Variants in PCSK4 observed in about 807,000 individuals in gnomAD.
PCSK4 encodes the protein testicular tissue protein Li 135.
PCSK4 carries 64 observed loss-of-function variants against 80.3 expected under a neutral mutation model. The ratio of observed to expected loss-of-function variants is 0.80; its 90% confidence interval spans 0.65 to 0.98. The LOEUF is 0.98. PCSK4 is among the 50% of genes least tolerant of loss of function. The pLI is 0.00. For synonymous variants in PCSK4, 561 were observed against 487.6 expected (o/e 1.15, Z -1.98); for missense variants, 1,213 against 1,093.6 (o/e 1.11, Z -1.54).
rs151115553 is a variant in PCSK4, at chr19:1,487,982, C to T, written c.498G>A (p.Pro166=). 6,844 of 1,612,686 alleles carry T rather than the reference C, an allele frequency of 4.2e-3. 24 individuals are homozygous for T. The highest frequency in any genetic ancestry group is 5.5e-3 in the Non-Finnish European group (6,455 of 1,179,356). ...GTCTCACGTAGTTGGCCCAGAGGTC[C>T]GGGTGGTCCTTCTCGATGCCATCGT... The change falls in exon 4 of 15, where the codon CCG becomes CCA. Residue 166 remains proline (P), a synonymous_variant. Transcript: ENST00000300954.
chr19:1,486,980 G>A, exon 8 of PCSK4: 4 of 1,609,882 alleles, frequency 2.5e-6, no homozygotes, highest in African/African-American at 1.3e-5. Flanking sequence ...GATGCTGTTG[G>A]TGTAGCCGTC....
exon 11 of PCSK4, chr19:1,483,699 G>A (rs758651849): frequency 1.3e-6 from 2 of 1,596,474 alleles, no homozygotes; most frequent in South Asian, 1.1e-5. Context: ...GGCTGGGTGG[G>A]CAGCCAGGTG....
intron 6 of PCSK4, 134 bp from the exon 7 acceptor site, chr19:1,487,447 G>A (rs1010262362): frequency 1.1e-4 from 108 of 988,012 alleles, no homozygotes; most frequent in Non-Finnish European, 1.5e-4. Flanking sequence ...GGGACCATTC[G>A]TATTGGCTCA....
At chr19:1,487,832 G>C in exon 5 of PCSK4, 1 of 1,563,204 alleles carries the variant, frequency 6.4e-7, no homozygotes, top group Non-Finnish European at 8.7e-7. Context: ...CCGGGTCGTA[G>C]TCATTGAAGT....
At chr19:1,482,281 G>A in intron 14 of PCSK4, 72 bp downstream of exon 14, 3 of 1,529,886 alleles carry the variant, frequency 2.0e-6, no homozygotes, top group Admixed American at 2.0e-5. Flanking sequence ...CGCCCGCCTG[G>A]GGCCACATGC....
In PCSK4 at chr19:1,482,928, CCCAGGGT is replaced by C. The variant is rs775981999; in HGVS notation, c.1657_1663del (p.Thr553AlafsTer2). On this transcript the variant is annotated frameshift_variant, in exon 13 of 15. Coordinates refer to ENST00000300954, the Ensembl canonical transcript of PCSK4. LOFTEE classifies it high-confidence loss of function. ...GAAATAGTAGCCCTTGTTCTCTAGG[CCCAGGGT>C]CCACACGCCCTGTGGGTTCTCATCC... The C allele has an allele frequency of 6.2e-7, 1 of 1,613,124 alleles. No individual in the cohort carries two copies. Among genetic ancestry groups the C allele is most frequent in the South Asian group, 1.1e-5 (1 of 91,020 alleles).
chr19:1,489,669 C>T (rs1454329059), intron 2 of PCSK4, 124 bp downstream of exon 2: 5 of 1,458,926 alleles, frequency 3.4e-6, no homozygotes, highest in African/African-American at 1.4e-5. Context: ...GGGGCCCGGG[C>T]GGGTCTGAGC....
At chr19:1,487,582 C>A (rs2084698524) in intron 6 of PCSK4, 21 bp downstream of exon 6, 2 of 1,538,830 alleles carry the variant, frequency 1.3e-6, no homozygotes, top group Non-Finnish European at 1.8e-6. Context: ...CGGAATGGTG[C>A]CGCTGGGGGA....
Position 1,483,472 on chromosome 19 carries a change from G to T in PCSK4, c.1392-9C>A. On this transcript the variant is annotated splice_polypyrimidine_tract_variant and intron_variant, in intron 11 of 14. Coordinates refer to ENST00000300954, the Ensembl canonical transcript of PCSK4. ...TCAGCGGCAGGATGGGGCTGAGGGG[G>T]TCGAGGGGTGAGGACCCTCCTGCGG... is the stretch of plus-strand genomic sequence containing the variant. 1 of 1,573,446 alleles carries T rather than the reference G, an allele frequency of 6.4e-7. No homozygotes were observed. Among genetic ancestry groups the T allele is most frequent in the African/African-American group, 1.3e-5 (1 of 74,368 alleles).
exon 15 of PCSK4, chr19:1,482,125 C>A: frequency 6.4e-7 from 1 of 1,555,618 alleles, no homozygotes; most frequent in East Asian, 2.4e-5. Flanking sequence ...GCCCAGCGGT[C>A]ACCAGCCTTG....
At chr19:1,487,545 CAG>C (rs1285634630) in intron 6 of PCSK4, 56 bp downstream of exon 6, 36 of 1,438,100 alleles carry the variant, frequency 2.5e-5, no homozygotes, top group Non-Finnish European at 3.1e-5. Context: ...AGCTCCCCGC[CAG>C]AGTCACCCCC....
intron 8 of PCSK4, among the ~76,000 whole-genome samples, chr19:1,486,284 G>C (rs540709270): frequency 2.6e-4 from 38 of 147,036 alleles, no homozygotes; most frequent in Admixed American, 8.9e-4. Flanking sequence ...GCCTGGATTT[G>C]GGTTATTGAT....
exon 15 of PCSK4, chr19:1,482,070 G>C: frequency 6.4e-7 from 1 of 1,554,172 alleles, no homozygotes; most frequent in Non-Finnish European, 8.7e-7. Context: ...CAGGAGGCAT[G>C]GCAGCTGGAG....
chr19:1,483,334 C>G, exon 12 of PCSK4: 2 of 1,610,054 alleles, frequency 1.2e-6, no homozygotes, highest in South Asian at 1.1e-5. Context: ...TGAGCGAGAT[C>G]TCCAGGTCTC....
chr19:1,483,415 G>C (rs544145596), exon 12 of PCSK4: 3 of 1,600,712 alleles, frequency 1.9e-6, no homozygotes, highest in East Asian at 4.5e-5. Flanking sequence ...TGTGGAGGCC[G>C]GCGCAGGCCG....
chr19:1,484,706 G>C (rs1168088985), intron 8 of PCSK4, among the ~76,000 whole-genome samples: 1 of 151,696 alleles, frequency 6.6e-6, no homozygotes, highest in Admixed American at 6.6e-5. Flanking sequence ...CCAGCTACTT[G>C]GGAGGCTGAG....
chr19:1,482,306 G>C, intron 14 of PCSK4, 47 bp downstream of exon 14: 2 of 1,533,068 alleles, frequency 1.3e-6, no homozygotes, highest in Non-Finnish European at 1.7e-6. Context: ...TGCCCACGGT[G>C]GCCGCCACCG....
In PCSK4 at chr19:1,482,885, C is replaced by G. The variant is rs200027877; in HGVS notation, c.1696+11G>C. The G allele has an allele frequency of 2.1e-4, 338 of 1,612,344 alleles. 1 individual carries two copies. In the Middle Eastern group the frequency reaches 2.2e-3, roughly 10 times the overall value. The stretch of plus-strand genomic sequence containing the variant: ...CAAGCCCCGCCCACCACAGCCCCGC[C>G]CCGCCCTCACCCGTGTTGAAATAGT... On this transcript the variant is annotated intron_variant, in intron 13 of 14. Coordinates refer to ENST00000300954, the Ensembl canonical transcript of PCSK4.
intron 13 of PCSK4, 96 bp from the exon 14 acceptor site, chr19:1,482,571 CG>C: frequency 6.8e-7 from 1 of 1,463,366 alleles, no homozygotes; most frequent in South Asian, 1.3e-5. Flanking sequence ...AGCTCCCACG[CG>C]GGGCCCTGGA....
Sources: gnomAD v4.1 joint callset for allele counts (sites outside exome capture counted in the v4.1 genomes callset) on GRCh38, gnomAD v4.1.1 for gene constraint, MANE v1.5 for transcripts, NCBI Gene and HGNC (gene_info 2026-07-23, HGNC 2026-07-21) for gene names.